Variants in PRKAR1B observed in about 807,000 individuals in gnomAD.
The protein encoded by PRKAR1B is protein kinase cAMP-dependent type I regulatory subunit beta.
In PRKAR1B, 22 loss-of-function variants were observed where a neutral mutation model predicts 46.5. The observed-to-expected ratio is 0.47, with a 90% CI of 0.34 to 0.68. The LOEUF is 0.68. Among genes scored for constraint, PRKAR1B ranks in the 30% least tolerant of loss-of-function variants. The pLI is 0.01. For synonymous variants in PRKAR1B, 259 were observed against 217.7 expected, an observed-to-expected ratio of 1.19 and a Z score of -1.67; for missense variants, 445 against 535.6, an observed-to-expected ratio of 0.83 and a Z score of 1.67.
At chr7:568,355 C>A (rs192497609) in intron 9 of PRKAR1B, among the ~76,000 whole-genome samples, 172 of 152,364 alleles carry the variant, frequency 1.1e-3, no homozygotes, top group African/African-American at 3.8e-3. Flanking sequence ...TGGGGAGGGA[C>A]AGCAGGGCCA....
chr7:651,386 T>G (rs895153627), intron 4 of PRKAR1B, among the ~76,000 whole-genome samples: 1 of 152,226 alleles, frequency 6.6e-6, no homozygotes, highest in African/African-American at 2.4e-5. Flanking sequence ...CCGAAACACA[T>G]GATGCCTTAC....
At chr7:611,870 G>A (rs893395447) in intron 4 of PRKAR1B, among the ~76,000 whole-genome samples, 2 of 151,810 alleles carry the variant, frequency 1.3e-5, no homozygotes, top group Non-Finnish European at 2.9e-5. Flanking sequence ...TGAATCGATG[G>A]ATGGATGGAC....
At chr7:724,418 C>T (rs1052102835) in intron 1 of PRKAR1B, among the ~76,000 whole-genome samples, 3 of 152,160 alleles carry the variant, frequency 2.0e-5, no homozygotes, top group African/African-American at 7.2e-5. Context: ...GGGGGAGTTT[C>T]CCTGCACAGG....
intron 9 of PRKAR1B, among the ~76,000 whole-genome samples, chr7:554,005 ACCCCGGG>A (rs1784413035): frequency 6.6e-6 from 1 of 152,190 alleles, no homozygotes; most frequent in Admixed American, 6.5e-5. Flanking sequence ...ACAGACTCAG[ACCCCGGG>A]CGCTGGAGAG....
chr7:606,047 T>G (rs1231582321), intron 6 of PRKAR1B, 146 bp downstream of exon 6: 1 of 718,336 alleles, frequency 1.4e-6, no homozygotes, highest in African/African-American at 1.8e-5. Context: ...TTCCAAGAGA[T>G]AGCAGTTGCA....
intron 1 of PRKAR1B, among the ~76,000 whole-genome samples, chr7:712,040 AAC>A (rs1780663811): frequency 1.4e-5 from 2 of 143,116 alleles, no homozygotes; most frequent in South Asian, 5.2e-4. Context: ...AACGCAGGTA[AAC>A]AAGGGAAGCT....
chr7:606,287 A>G (rs1222439580), intron 5 of PRKAR1B, 48 bp from the exon 6 acceptor site: 23 of 1,583,066 alleles, frequency 1.5e-5, no homozygotes, highest in Non-Finnish European at 2.0e-5. Flanking sequence ...ATCCAGACAT[A>G]CAAGTTACAG....
rs1784024018 is a variant in PRKAR1B, at chr7:549,208, C to G, written c.*1222G>C. On this transcript the variant is annotated 3_prime_UTR_variant, in exon 11 of 11. Coordinates refer to ENST00000537384, the MANE Select transcript of PRKAR1B (RefSeq NM_001164760.2). ...CGAGCCGGGAAGAGGTACTTCATTGCACGTTTAATGCTTCATGCAGTATTC... is the reference window on the plus strand; with the variant it reads ...CGAGCCGGGAAGAGGTACTTCATTGGACGTTTAATGCTTCATGCAGTATTC... 6.6e-6 allele frequency: 1 copy of G among 152,216 alleles called. No individual in the cohort carries two copies. The highest frequency in any genetic ancestry group is 2.4e-5 in the African/African-American group (1 of 41,440). 9.4% of individuals were successfully genotyped at this position (152,216 alleles called of 1,614,324 possible). A position where few individuals can be genotyped will look rare whatever the true frequency, so the allele number is the denominator to read the frequency against.
intron 4 of PRKAR1B, among the ~76,000 whole-genome samples, chr7:649,560 CTTATTTAT>C (rs571392594): frequency 6.6e-6 from 1 of 151,800 alleles, no homozygotes; most frequent in African/African-American, 2.4e-5. Context: ...TATGTAGCGC[CTTATTTAT>C]TTATTTATTT....
intron 9 of PRKAR1B, among the ~76,000 whole-genome samples, chr7:563,764 TGTGC>T (rs1366199245): frequency 6.6e-6 from 1 of 151,796 alleles, no homozygotes. Context: ...TGTGCTCAGG[TGTGC>T]ATGCATGTCT....
intron 4 of PRKAR1B, among the ~76,000 whole-genome samples, chr7:665,379 C>T (rs779223265): frequency 2.6e-5 from 4 of 152,174 alleles, no homozygotes; most frequent in Non-Finnish European, 4.4e-5. Flanking sequence ...CCCTGCCAAA[C>T]GGCAGCCTCG....
At chr7:611,119 A>G (rs1207630461) in intron 4 of PRKAR1B, among the ~76,000 whole-genome samples, 1 of 152,230 alleles carries the variant, frequency 6.6e-6, no homozygotes, top group African/African-American at 2.4e-5. Flanking sequence ...ACAAGACACA[A>G]AGTAACTTCA....
intron 2 of PRKAR1B, among the ~76,000 whole-genome samples, chr7:680,947 T>C (rs960678810): frequency 1.3e-5 from 2 of 152,010 alleles, no homozygotes; most frequent in Admixed American, 1.3e-4. Context: ...TCATTTTGTG[T>C]CCCCCACCAA....
rs1214553435 is a variant in PRKAR1B, at chr7:650,400, C to T, written c.440+26829G>A. ...CTCCCTCCCTCCCTGCTCACTCCAC[C>T]TGATCAGTTCCAACCACGAAAGGCT... On this transcript the variant is annotated intron_variant, in intron 4 of 10. Coordinates refer to ENST00000537384, the MANE Select transcript of PRKAR1B (RefSeq NM_001164760.2). Among the ~76,000 whole-genome samples, 3 of 152,196 alleles carry T rather than the reference C, an allele frequency of 2.0e-5. No individual in the cohort carries two copies. The East Asian group carries it at 5.8e-4, about 29-fold the overall frequency.
chr7:554,206 T>G (rs1778261004), intron 9 of PRKAR1B, among the ~76,000 whole-genome samples: 1 of 152,238 alleles, frequency 6.6e-6, no homozygotes, highest in Admixed American at 6.5e-5. Flanking sequence ...AGGTGAGAAC[T>G]CTGCTTCCTG....
rs567962139 is a variant in PRKAR1B at position 670,788 on chromosome 7, A to T, written c.440+6441T>A. On this transcript the variant is annotated intron_variant, in intron 4 of 10. Coordinates refer to ENST00000537384, the MANE Select transcript of PRKAR1B (RefSeq NM_001164760.2). ...ACGGCATCCGGCAGAGGGGCTCAGG[A>T]CCGAAGACGGCCTCCGAGCTCTCCC... Among the ~76,000 whole-genome samples the T allele has an allele frequency of 1.7e-4, 25 of 149,318 alleles. No homozygotes were observed. The East Asian group carries it at 4.9e-3, about 29-fold the overall frequency.
At position 637,836 on chromosome 7, in the gene PRKAR1B, AAAAT is replaced by A. The variant is rs146310639; in HGVS notation, c.441-30388_441-30385del. On this transcript the variant is annotated intron_variant, in intron 4 of 10. Coordinates refer to ENST00000537384, the MANE Select transcript of PRKAR1B (RefSeq NM_001164760.2). ...GGACAAGAGAGAGACTCCATCTAAA[AAAAT>A]AAATAAATAAATAAATAACAGGGAA... is the stretch of plus-strand genomic sequence containing the variant. 1.3e-4 allele frequency among the ~76,000 whole-genome samples: 19 copies of A among 151,942 alleles called. 1 individual carries two copies. Among genetic ancestry groups the A allele is most frequent in the African/African-American group, 2.9e-4 (12 of 41,404 alleles).
chr7:629,278 C>T (rs1359557288), intron 4 of PRKAR1B, among the ~76,000 whole-genome samples: 1 of 152,062 alleles, frequency 6.6e-6, no homozygotes, highest in Non-Finnish European at 1.5e-5. Context: ...GGGGCCACAG[C>T]CTCCCAGGGC....
intron 2 of PRKAR1B, among the ~76,000 whole-genome samples, chr7:683,396 G>A (rs762574175): frequency 6.6e-6 from 1 of 152,152 alleles, no homozygotes; most frequent in Non-Finnish European, 1.5e-5. Flanking sequence ...AAGTCAGCCA[G>A]GTGCACCGGT....
Sources: gnomAD v4.1 joint callset for allele counts (sites outside exome capture counted in the v4.1 genomes callset) on GRCh38, gnomAD v4.1.1 for gene constraint, MANE v1.5 for transcripts, NCBI Gene and HGNC (gene_info 2026-07-23, HGNC 2026-07-21) for gene names.